Variants in WT1 observed in about 807,000 individuals in gnomAD.
WT1 encodes the protein WT1 transcription factor, also known as Wilms tumor protein.
WT1 carries 8 observed loss-of-function variants against 60.8 expected under a neutral mutation model. The ratio of observed to expected loss-of-function variants is 0.13; its 90% CI spans 0.08 to 0.24. The LOEUF is 0.24. WT1 is among the 10% of genes least tolerant of loss of function. The pLI, the probability that WT1 is intolerant of heterozygous loss-of-function variation, is 1.00. For synonymous variants in WT1, 312 were observed against 297.1 expected, an observed-to-expected ratio of 1.05 and a Z score of -0.52; for missense variants, 568 against 711.8, an observed-to-expected ratio of 0.80 and a Z score of 2.30.
intron 5 of WT1, among the ~76,000 whole-genome samples, chr11:32,410,364 C>T (rs115795705): frequency 6.0e-4 from 92 of 152,284 alleles, no homozygotes; most frequent in African/African-American, 2.1e-3. Context: ...TTTCCCCAGC[C>T]AGCTAGAACC....
At chr11:32,404,258 G>A (rs1279497912) in intron 5 of WT1, among the ~76,000 whole-genome samples, 3 of 115,394 alleles carry the variant, frequency 2.6e-5, no homozygotes, top group East Asian at 6.0e-4. Flanking sequence ...GACAGAGCAA[G>A]ACTCTGTCTC....
At chr11:32,430,455 GGA>G (rs529663782) in intron 1 of WT1, 49,507 of 886,514 alleles carry the variant, frequency 0.056, 348 homozygotes, top group Admixed American at 0.065. Context: ...AGAGAGGGAG[GGA>G]GAGAGAGAGA....
Position 32,388,853 on chromosome 11 carries a change from A to T in WT1, c.*205T>A. On this transcript the variant is annotated 3_prime_UTR_variant, in exon 10 of 10. Transcript: ENST00000452863. The stretch of plus-strand genomic sequence containing the variant: ...GTTAGCTGCTTCTCCAGGGCCTGTG[A>T]GTCAACTAAAAGTAGGCAGGGCAGA... 1.2e-6 allele frequency: 1 copy of T among 824,232 alleles called. No individual in the cohort carries two copies. The highest frequency in any genetic ancestry group is 1.9e-6 in the Non-Finnish European group (1 of 539,490). The allele number at this position is 824,232 out of a possible 1,614,324, so 51.1% of individuals were successfully genotyped here. A position where few individuals can be genotyped will look rare whatever the true frequency, so the allele number is the denominator to read the frequency against.
In WT1 at chr11:32,428,623, C is replaced by A. The variant is rs938242205; in HGVS notation, c.662-4G>T. The A allele has an allele frequency of 3.1e-6, 5 of 1,611,752 alleles. No homozygotes were observed. The Middle Eastern group carries it at 6.6e-4, about 213-fold the overall frequency. Reference sequence around the variant, plus strand: ...TCGAAGGTGACCGTGCTGTAACCTGCGGGAGCGGCGGAGAGAAGCACAGTG... The same window carrying A: ...TCGAAGGTGACCGTGCTGTAACCTGAGGGAGCGGCGGAGAGAAGCACAGTG... On this transcript the variant is annotated splice_polypyrimidine_tract_variant and splice_region_variant and intron_variant, in intron 1 of 9. Coordinates refer to ENST00000452863, the MANE Select transcript of WT1 (RefSeq NM_024426.6).
At chr11:32,393,949 G>A (rs1851892118) in intron 7 of WT1, among the ~76,000 whole-genome samples, 1 of 152,192 alleles carries the variant, frequency 6.6e-6, no homozygotes, top group African/African-American at 2.4e-5. Context: ...CTAAAGCGCA[G>A]TGGTGTGAGC....
At chr11:32,420,346 G>A (rs997480198) in intron 3 of WT1, among the ~76,000 whole-genome samples, 14 of 152,082 alleles carry the variant, frequency 9.2e-5, no homozygotes, top group South Asian at 8.3e-4. Context: ...TTTCTCATCT[G>A]TTCAATGGGA....
intron 3 of WT1, 97 bp downstream of exon 3, chr11:32,427,859 G>A: frequency 2.5e-6 from 3 of 1,210,874 alleles, no homozygotes; most frequent in East Asian, 5.1e-5. Context: ...CATGCCCGCA[G>A]TCAGGGCTGC....
chr11:32,396,812 T>C (rs888557365), intron 6 of WT1, among the ~76,000 whole-genome samples: 34 of 152,194 alleles, frequency 2.2e-4, no homozygotes, highest in African/African-American at 8.2e-4. Flanking sequence ...CTTGGAGTCA[T>C]GACCACATGA....
In WT1 at chr11:32,396,363, C is replaced by A; in HGVS notation, c.1158G>T (p.Ser386=). ...GGCGTTTCTCACTGGTCTCAGATGCCGACCGTACAAGAGTCGGGGCTACTC... is the reference window on the plus strand; with the variant it reads ...GGCGTTTCTCACTGGTCTCAGATGCAGACCGTACAAGAGTCGGGGCTACTC... Residue 386 remains serine (S), a synonymous_variant, in exon 7 of 10, where the codon TCG becomes TCT. Transcript: ENST00000452863. 1 of 1,614,088 alleles carries A rather than the reference C, an allele frequency of 6.2e-7. No individual in the cohort carries two copies. Among genetic ancestry groups the A allele is most frequent in the Non-Finnish European group, 8.5e-7 (1 of 1,180,034 alleles).
intron 7 of WT1, 94 bp downstream of exon 7, chr11:32,396,163 T>A: frequency 5.7e-6 from 9 of 1,567,034 alleles, no homozygotes; most frequent in Admixed American, 1.7e-5. Context: ...TTACTTTCCA[T>A]CCTGGAAATA....
chr11:32,424,510 A>G (rs1441789546), intron 3 of WT1, among the ~76,000 whole-genome samples: 1 of 152,190 alleles, frequency 6.6e-6, no homozygotes, highest in Non-Finnish European at 1.5e-5. Flanking sequence ...GTCATCCAAC[A>G]ATGATCACTG....
intron 1 of WT1, 182 bp from the exon 2 acceptor site, chr11:32,428,801 G>A (rs1445381784): frequency 4.5e-6 from 4 of 882,272 alleles, no homozygotes; most frequent in Non-Finnish European, 7.1e-6. Context: ...CAAGTCCCTG[G>A]ATGTGACCTT....
intron 1 of WT1, among the ~76,000 whole-genome samples, chr11:32,432,212 T>C (rs1853335822): frequency 6.6e-6 from 1 of 152,216 alleles, no homozygotes; most frequent in Non-Finnish European, 1.5e-5. Context: ...CTGTGCACCA[T>C]GGCTAGACTG....
At chr11:32,425,180 G>GAAAAAAAA (rs10540778) in intron 3 of WT1, among the ~76,000 whole-genome samples, 1 of 119,282 alleles carries the variant, frequency 8.4e-6, no homozygotes. Context: ...GTCTCGAAAA[G>GAAAAAAAA]AAAAAAAAAA....
intron 5 of WT1, among the ~76,000 whole-genome samples, chr11:32,408,213 G>GAAA (rs528702262): frequency 0.1 from 10,925 of 107,874 alleles, 751 homozygotes; most frequent in African/African-American, 0.2. Context: ...CTCCATCTCA[G>GAAA]AAAAAAAAAA....
In WT1 at chr11:32,388,023, C is replaced by T. The variant is rs1276716298; in HGVS notation, c.*1035G>A. ...AACACAACACACACACACACACACA[C>T]ACACACACACACACGACCATCTTTA... On this transcript the variant is annotated 3_prime_UTR_variant, in exon 10 of 10. Coordinates refer to ENST00000452863, the MANE Select transcript of WT1 (RefSeq NM_024426.6). The T allele has an allele frequency of 2.1e-5, 5 of 237,690 alleles. No individual in the cohort carries two copies. In the East Asian group the frequency reaches 2.9e-4, roughly 14 times the overall value. The allele number at this position is 237,690 out of a possible 1,614,324, so 14.7% of individuals were successfully genotyped here. A position where few individuals can be genotyped will look rare whatever the true frequency, so the allele number is the denominator to read the frequency against.
chr11:32,433,452 G>A (rs1046060495), intron 1 of WT1, among the ~76,000 whole-genome samples: 4 of 152,180 alleles, frequency 2.6e-5, no homozygotes, highest in African/African-American at 4.8e-5. Flanking sequence ...GGGCAACAAG[G>A]GCAGAGCCCT....
At chr11:32,419,013 G>C (rs1033503871) in intron 3 of WT1, among the ~76,000 whole-genome samples, 1 of 152,026 alleles carries the variant, frequency 6.6e-6, no homozygotes, top group Non-Finnish European at 1.5e-5. Context: ...ACTCATCCCC[G>C]TGTCTGACTG....
chr11:32,433,168 G>A (rs1321548119), intron 1 of WT1, among the ~76,000 whole-genome samples: 2 of 152,206 alleles, frequency 1.3e-5, no homozygotes, highest in Non-Finnish European at 2.9e-5. Context: ...CTAAACAAAG[G>A]TGGCGCGATC....
Sources: allele counts gnomAD v4.1 joint callset (sites outside exome capture counted in the v4.1 genomes callset), GRCh38; gene constraint gnomAD v4.1.1; transcripts MANE v1.5; gene names NCBI Gene and HGNC (gene_info 2026-07-23, HGNC 2026-07-21).